SYNPR: variants seen among roughly 807,000 people sequenced by gnomAD.
The protein encoded by SYNPR is synaptoporin.
A neutral mutation model predicts 32.9 loss-of-function variants in SYNPR; 23 were observed. That is an observed-to-expected ratio of 0.70 (90% CI 0.50 to 0.99). The LOEUF (loss-of-function observed/expected upper bound fraction) is 0.99, where lower values mean the gene tolerates loss of function less well. SYNPR is among the 50% of genes least tolerant of loss of function. The pLI is 0.00. For missense variants in SYNPR, 318 were observed against 349.3 expected, an observed-to-expected ratio of 0.91 and a Z score of 0.71; for synonymous variants, 146 against 135.9, an observed-to-expected ratio of 1.07 and a Z score of -0.52.
intron 2 of SYNPR, among the ~76,000 whole-genome samples, chr3:63,408,034 G>T (rs904509297): frequency 6.6e-6 from 1 of 151,456 alleles, no homozygotes. Context: ...ATGGTGACAT[G>T]CAGTGGTTTC....
chr3:63,317,095 C>A (rs1472464744), intron 2 of SYNPR, among the ~76,000 whole-genome samples: 3 of 151,564 alleles, frequency 2.0e-5, no homozygotes, highest in Non-Finnish European at 3.0e-5. Flanking sequence ...GATCTGACAG[C>A]GTGCTTGATA....
intron 2 of SYNPR, among the ~76,000 whole-genome samples, chr3:63,432,654 G>A (rs1000413384): frequency 6.6e-6 from 1 of 152,172 alleles, no homozygotes; most frequent in Admixed American, 6.5e-5. Context: ...GGCAGACCCA[G>A]ATAAGAAAGA....
chr3:63,379,540 C>T (rs780166573), intron 2 of SYNPR, among the ~76,000 whole-genome samples: 12 of 152,074 alleles, frequency 7.9e-5, no homozygotes, highest in Non-Finnish European at 1.6e-4. Context: ...GCTATGTCTT[C>T]TTGGATTAAA....
chr3:63,478,558 A>G (rs1700979096), intron 2 of SYNPR, among the ~76,000 whole-genome samples: 4 of 152,218 alleles, frequency 2.6e-5, no homozygotes, highest in Admixed American at 2.6e-4. Context: ...TAAAATGGTC[A>G]CAATGTACAA....
chr3:63,452,148 A>C, intron 2 of SYNPR: 2 of 701,314 alleles, frequency 2.9e-6, no homozygotes, highest in Non-Finnish European at 5.2e-6. Context: ...TCACTCATTC[A>C]TTTGTTCGTA....
In SYNPR at chr3:63,608,611, T is replaced by C. The variant is rs1443234826; in HGVS notation, c.409-514T>C. ...GTGAACAAACGAATGAATGAATGAA[T>C]GAATGAGTGAACATTGCCATCAAAG... is the stretch of plus-strand genomic sequence containing the variant. On this transcript the variant is annotated intron_variant, in intron 4 of 5. Transcript: ENST00000478300. Among the ~76,000 whole-genome samples the C allele has an allele frequency of 3.9e-5, 6 of 152,166 alleles. No individual in the cohort carries two copies. The South Asian group carries it at 8.3e-4, about 21-fold the overall frequency.
intron 4 of SYNPR, among the ~76,000 whole-genome samples, chr3:63,600,546 T>G (rs1013070608): frequency 2.0e-5 from 3 of 147,786 alleles, no homozygotes; most frequent in Non-Finnish European, 3.0e-5. Flanking sequence ...ATCTTGAATT[T>G]TAATCCCCTA....
At chr3:63,604,736 G>A (rs1023010906) in intron 4 of SYNPR, among the ~76,000 whole-genome samples, 7 of 152,032 alleles carry the variant, frequency 4.6e-5, no homozygotes, top group African/African-American at 1.7e-4. Flanking sequence ...AATTTACTGA[G>A]GATGGTAAAA....
At chr3:63,342,678 A>G (rs752219797) in intron 2 of SYNPR, among the ~76,000 whole-genome samples, 19 of 152,238 alleles carry the variant, frequency 1.2e-4, no homozygotes, top group Non-Finnish European at 1.9e-4. Context: ...GGAAGAGATT[A>G]TGTAAAATTG....
At chr3:63,501,510 A>AG (rs1469835704) in intron 3 of SYNPR, among the ~76,000 whole-genome samples, 270 of 99,540 alleles carry the variant, frequency 2.7e-3, no homozygotes, top group African/African-American at 8.3e-3. Context: ...AAAAAAAAAA[A>AG]AAAAGAAAAG....
rs374740601 is a variant in SYNPR, at chr3:63,556,688, G to A, written c.355G>A (p.Val119Ile). ...AFLYSLAATV[V>I]YIFFQNKYRE... ...CCTCTACTCTTTGGCTGCCACTGTC[G>A]TTTACATTTTCTTCCAGAACAAATA... The change falls in exon 4 of 6, where the codon GTT (valine) becomes ATT (isoleucine). Residue 119 changes from valine (V) to isoleucine (I), a missense_variant. Physicochemically the swap from Val to Ile is conservative, Grantham distance 29. Transcript: ENST00000478300. 16 of 1,613,730 alleles carry A rather than the reference G, an allele frequency of 9.9e-6. No homozygotes were observed. Among genetic ancestry groups the A allele is most frequent in the East Asian group, 2.2e-5 (1 of 44,846 alleles).
At chr3:63,249,198 C>T (rs534625944) in intron 1 of SYNPR, among the ~76,000 whole-genome samples, 9 of 152,216 alleles carry the variant, frequency 5.9e-5, no homozygotes, top group Admixed American at 5.2e-4. Context: ...TATGTTCAAT[C>T]ACTCGTATAA....
intron 2 of SYNPR, among the ~76,000 whole-genome samples, chr3:63,331,887 G>C (rs2087234819): frequency 6.6e-6 from 1 of 152,140 alleles, no homozygotes; most frequent in African/African-American, 2.4e-5. Flanking sequence ...GCTGAGGTTT[G>C]GAAGAGGCAT....
chr3:63,248,509 A>G (rs1179845096), intron 1 of SYNPR, among the ~76,000 whole-genome samples: 1 of 152,200 alleles, frequency 6.6e-6, no homozygotes, highest in Admixed American at 6.6e-5. Flanking sequence ...GAAGGTTGAA[A>G]GAGTGAGAAA....
intron 2 of SYNPR, among the ~76,000 whole-genome samples, chr3:63,430,543 C>T (rs1699974395): frequency 6.6e-6 from 1 of 152,130 alleles, no homozygotes; most frequent in Admixed American, 6.5e-5. Context: ...CCTCCTAGAC[C>T]TTTGCATCCC....
chr3:63,595,749 A>AAAATTT (rs1262792587), intron 4 of SYNPR, among the ~76,000 whole-genome samples: 11 of 44,402 alleles, frequency 2.5e-4, no homozygotes, highest in East Asian at 1.1e-3. Context: ...ATATATATAT[A>AAAATTT]TATATATATA....
At chr3:63,407,182 G>A (rs894180545) in intron 2 of SYNPR, among the ~76,000 whole-genome samples, 1 of 152,164 alleles carries the variant, frequency 6.6e-6, no homozygotes, top group Admixed American at 6.5e-5. Context: ...AATCACATAA[G>A]CAGTTTAGGA....
chr3:63,297,076 G>T (rs1488051695), intron 2 of SYNPR, among the ~76,000 whole-genome samples: 1 of 152,184 alleles, frequency 6.6e-6, no homozygotes, highest in Non-Finnish European at 1.5e-5. Flanking sequence ...AAAGTGTAGA[G>T]AATTGCCCCA....
chr3:63,580,684 C>T (rs1298131970), intron 4 of SYNPR, among the ~76,000 whole-genome samples: 2 of 152,132 alleles, frequency 1.3e-5, no homozygotes, highest in Non-Finnish European at 2.9e-5. Context: ...ATTCAGCATG[C>T]ATGGTCTCAT....
Sources: allele counts gnomAD v4.1 joint callset (sites outside exome capture counted in the v4.1 genomes callset), GRCh38; gene constraint gnomAD v4.1.1; transcripts MANE v1.5; gene names NCBI Gene and HGNC (gene_info 2026-07-23, HGNC 2026-07-21).